Variants in RBMS1 observed in about 807,000 individuals in gnomAD.
The protein encoded by RBMS1 is RNA-binding motif, single-stranded-interacting protein 1.
Under a neutral mutation model 62.3 loss-of-function variants are expected in RBMS1, and 17 were observed. That is an observed-to-expected ratio of 0.27 (90% CI 0.19 to 0.41). The LOEUF (loss-of-function observed/expected upper bound fraction) is 0.41, where lower values mean the gene tolerates loss of function less well. Among genes scored for constraint, RBMS1 ranks in the 10% least tolerant of loss-of-function variants. The pLI, the probability that RBMS1 is intolerant of heterozygous loss-of-function variation, is 1.00. For synonymous variants in RBMS1, 172 were observed against 170.0 expected, an observed-to-expected ratio of 1.01 and a Z score of -0.09; for missense variants, 334 against 504.5, an observed-to-expected ratio of 0.66 and a Z score of 3.24.
intron 2 of RBMS1, among the ~76,000 whole-genome samples, chr2:160,333,438 G>A (rs765488872): frequency 2.0e-5 from 3 of 152,102 alleles, no homozygotes; most frequent in Non-Finnish European, 2.9e-5. Context: ...CCCCCACCAG[G>A]CCAGCCTGGG....
rs1426004765 is a variant in RBMS1, at chr2:160,469,644, G to GT, written c.75+23644dup. Among the ~76,000 whole-genome samples the GT allele has an allele frequency of 2.2e-4, 34 of 152,258 alleles. 2 individuals carry two copies. The Middle Eastern group carries it at 0.024, about 107-fold the overall frequency. ...CTCAGCATTTCTACCCAGACCTTCT[G>GT]TTTCCTCTCAGGACTTTATTGGTAT... On this transcript the variant is annotated intron_variant, in intron 1 of 13. Transcript: ENST00000348849.
chr2:160,382,838 T>C (rs1363385126), intron 1 of RBMS1, among the ~76,000 whole-genome samples: 2 of 151,378 alleles, frequency 1.3e-5, no homozygotes, highest in Non-Finnish European at 2.9e-5. Context: ...CTAACGTAGT[T>C]TACTTAATTT....
chr2:160,304,988 G>T (rs1559351107), intron 4 of RBMS1, among the ~76,000 whole-genome samples: 1 of 152,058 alleles, frequency 6.6e-6, no homozygotes, highest in African/African-American at 2.4e-5. Flanking sequence ...CTGAGTAGCT[G>T]GGACTACAGG....
At chr2:160,333,247 C>A (rs927231585) in intron 2 of RBMS1, among the ~76,000 whole-genome samples, 2 of 152,070 alleles carry the variant, frequency 1.3e-5, no homozygotes, top group African/African-American at 4.8e-5. Flanking sequence ...TATTATAAAT[C>A]ATCTATATTG....
intron 1 of RBMS1, among the ~76,000 whole-genome samples, chr2:160,478,507 G>A (rs1235368640): frequency 2.0e-5 from 3 of 152,124 alleles, no homozygotes; most frequent in African/African-American, 7.2e-5. Context: ...AGTATGCCAT[G>A]GTTCCTGATA....
rs5835799 is a variant in RBMS1 at position 160,318,229 on chromosome 2, T to TAAAAAAAA, written c.252-10_252-3dup. ...TTTGTGGAGACTATTTTCCCATATC[T>TAAAAAAAA]AAAAAAAAAAAAAAAAAAAAAAAGG... On this transcript the variant is annotated splice_polypyrimidine_tract_variant and splice_region_variant and intron_variant, in intron 2 of 13. Transcript: ENST00000348849. 1.0e-4 allele frequency: 116 copies of TAAAAAAAA among 1,164,636 alleles called. No individual in the cohort carries two copies. The highest frequency in any genetic ancestry group is 4.4e-4 in the South Asian group (22 of 49,560). The allele number at this position is 1,164,636 out of a possible 1,614,324, so 72.1% of individuals were successfully genotyped here.
intron 2 of RBMS1, among the ~76,000 whole-genome samples, chr2:160,347,211 G>A (rs1349678653): frequency 6.6e-6 from 1 of 151,976 alleles, no homozygotes; most frequent in Non-Finnish European, 1.5e-5. Context: ...TGCTTAGAAT[G>A]CTAAAGCTGT....
intron 2 of RBMS1, among the ~76,000 whole-genome samples, chr2:160,362,448 C>T (rs1429380509): frequency 6.6e-6 from 1 of 152,214 alleles, no homozygotes; most frequent in East Asian, 1.9e-4. Flanking sequence ...CACTGCAGGG[C>T]TATTATTTGG....
chr2:160,400,794 T>A (rs1375504189), intron 1 of RBMS1, among the ~76,000 whole-genome samples: 1 of 152,102 alleles, frequency 6.6e-6, no homozygotes, highest in Non-Finnish European at 1.5e-5. Context: ...AAACAAGTGA[T>A]TTCTAAAAAG....
intron 2 of RBMS1, among the ~76,000 whole-genome samples, chr2:160,336,355 A>G (rs1233235941): frequency 4.6e-5 from 7 of 152,192 alleles, no homozygotes; most frequent in African/African-American, 2.4e-5. Context: ...TGGAAAAAGC[A>G]TGTCATCAGT....
intron 2 of RBMS1, among the ~76,000 whole-genome samples, chr2:160,346,612 G>T (rs879777780): frequency 6.6e-6 from 1 of 152,124 alleles, no homozygotes; most frequent in Non-Finnish European, 1.5e-5. Flanking sequence ...CAGGAATGGG[G>T]TTAGGATGAA....
At chr2:160,471,691 G>GTATATATATATATATATATATATATATA (rs368982549) in intron 1 of RBMS1, among the ~76,000 whole-genome samples, 19 of 65,890 alleles carry the variant, frequency 2.9e-4, no homozygotes, top group South Asian at 8.0e-4. Context: ...ATCCTTTGGT[G>GTATATATATATATATATATATATATATA]TATATATATA....
intron 1 of RBMS1, among the ~76,000 whole-genome samples, chr2:160,465,790 G>A (rs1684661120): frequency 6.6e-6 from 1 of 151,462 alleles, no homozygotes; most frequent in Non-Finnish European, 1.5e-5. Flanking sequence ...TCAAGAAACA[G>A]GCAACAAAAC....
At chr2:160,425,523 G>A (rs1023536747) in intron 1 of RBMS1, among the ~76,000 whole-genome samples, 5 of 152,202 alleles carry the variant, frequency 3.3e-5, no homozygotes, top group Admixed American at 1.3e-4. Context: ...GAGGGGCCAT[G>A]AGCAAGCAAT....
At chr2:160,311,442 CT>C (rs1054244732) in intron 4 of RBMS1, among the ~76,000 whole-genome samples, 9 of 151,882 alleles carry the variant, frequency 5.9e-5, no homozygotes, top group Admixed American at 1.3e-4. Flanking sequence ...TAGCTTCACA[CT>C]GGTTTTTCAA....
chr2:160,291,260 A>G (rs1196878169), intron 6 of RBMS1, among the ~76,000 whole-genome samples: 2 of 152,120 alleles, frequency 1.3e-5, no homozygotes, highest in African/African-American at 4.8e-5. Context: ...CCAAACTTCC[A>G]TCTTTCTAGT....
chr2:160,382,138 T>C (rs1381442542), intron 1 of RBMS1, among the ~76,000 whole-genome samples: 2 of 152,164 alleles, frequency 1.3e-5, no homozygotes, highest in Non-Finnish European at 2.9e-5. Context: ...TTAGAAACCA[T>C]GAAGCTGCTG....
At chr2:160,324,117 T>C (rs185733602) in intron 2 of RBMS1, among the ~76,000 whole-genome samples, 25 of 152,364 alleles carry the variant, frequency 1.6e-4, no homozygotes, top group African/African-American at 5.8e-4. Flanking sequence ...ATTGTACACT[T>C]AGAAGACAAA....
chr2:160,490,486 A>AT (rs969657504), intron 1 of RBMS1, among the ~76,000 whole-genome samples: 2 of 151,782 alleles, frequency 1.3e-5, no homozygotes, highest in African/African-American at 4.8e-5. Context: ...TTTTCTAATG[A>AT]TTTTTTTTCT....
Sources: allele counts gnomAD v4.1 joint callset (sites outside exome capture counted in the v4.1 genomes callset), GRCh38; gene constraint gnomAD v4.1.1; transcripts MANE v1.5; gene names NCBI Gene and HGNC (gene_info 2026-07-23, HGNC 2026-07-21).